The following RAB19 variants were observed in gnomAD, a reference collection of about 807,000 sequenced individuals.
RAB19 encodes the protein ras-related protein Rab-19.
RAB19 carries 21 observed loss-of-function variants against 17.3 expected under a neutral mutation model. The observed-to-expected ratio is 1.21, with a 90% CI of 0.86 to 1.74. The LOEUF (loss-of-function observed/expected upper bound fraction) is 1.74. Among genes scored for constraint, RAB19 ranks in the 40% most tolerant of loss-of-function variants. The pLI, the probability that RAB19 is intolerant of heterozygous loss-of-function variation, is 0.00. For synonymous variants in RAB19, 126 were observed against 110.4 expected (o/e 1.14, Z -0.88); for missense variants, 277 against 286.8 (o/e 0.97, Z 0.25).
intron 3 of RAB19, among the ~76,000 whole-genome samples, chr7:140,420,494 G>A (rs1257539192): frequency 6.6e-6 from 1 of 151,976 alleles, no homozygotes; most frequent in Non-Finnish European, 1.5e-5. Context: ...ATGTAGACCT[G>A]CCCCTGGGAA....
intron 2 of RAB19, among the ~76,000 whole-genome samples, chr7:140,409,598 T>G (rs1333302200): frequency 1.3e-5 from 2 of 150,958 alleles, no homozygotes; most frequent in Non-Finnish European, 3.0e-5. Flanking sequence ...TCAGGAGGCT[T>G]GAGGCATGAA....
At chr7:140,406,703 T>C (rs1799247111) in intron 1 of RAB19, among the ~76,000 whole-genome samples, 1 of 151,582 alleles carries the variant, frequency 6.6e-6, no homozygotes, top group East Asian at 1.9e-4. Context: ...TGGTAAAATA[T>C]GCCATAACAT....
intron 2 of RAB19, among the ~76,000 whole-genome samples, chr7:140,410,083 A>G (rs1425786800): frequency 6.6e-6 from 1 of 151,632 alleles, no homozygotes; most frequent in East Asian, 1.9e-4. Flanking sequence ...AGATGAAGCA[A>G]GTAACAAAAT....
At position 140,412,003 on chromosome 7, in the gene RAB19, T is replaced by TG; in HGVS notation, c.333dup (p.Ile112AspfsTer3). 6.2e-7 allele frequency: 1 copy of TG among 1,614,080 alleles called. No individual in the cohort carries two copies. Among genetic ancestry groups the TG allele is most frequent in the Non-Finnish European group, 8.5e-7 (1 of 1,180,038 alleles). ...GTCCACGTTCGAGTCCATCCCTCAC[T>TG]GGATTCATGAGATAGAGAAATATGG... On this transcript the variant is annotated frameshift_variant, in exon 3 of 4. Coordinates refer to ENST00000537763, the MANE Select transcript of RAB19 (RefSeq NM_001008749.3). LOFTEE classifies it high-confidence loss of function.
intron 1 of RAB19, among the ~76,000 whole-genome samples, chr7:140,407,355 A>G (rs1799262637): frequency 6.6e-6 from 1 of 151,612 alleles, no homozygotes. Flanking sequence ...CCTAGGATAT[A>G]TCACTGCTTT....
At position 140,425,965 on chromosome 7, in the gene RAB19, G is replaced by A. The variant is rs568276754; in HGVS notation, c.469G>A (p.Val157Ile). The change falls in exon 4 of 4, where the codon GTT becomes ATT. Residue 157 changes from valine to isoleucine, a missense_variant. Physicochemically the swap from Val to Ile is conservative, Grantham distance 29 (BLOSUM62 3). Coordinates refer to ENST00000537763, the MANE Select transcript of RAB19 (RefSeq NM_001008749.3). ...GGCTGAGAAGTACGGCCTCCTGGCCGTTTTGGAGACATCTGCCAAGGAGTC... is the reference window on the plus strand; with the variant it reads ...GGCTGAGAAGTACGGCCTCCTGGCCATTTTGGAGACATCTGCCAAGGAGTC... ...TLAEKYGLLA[V>I]LETSAKESKN... The A allele has an allele frequency of 6.3e-5, 101 of 1,614,174 alleles. No individual in the cohort carries two copies. Among genetic ancestry groups the A allele is most frequent in the South Asian group, 1.1e-4 (10 of 91,082 alleles).
chr7:140,404,784 A>T (rs1345217491), intron 1 of RAB19, among the ~76,000 whole-genome samples: 1 of 152,200 alleles, frequency 6.6e-6, no homozygotes, highest in East Asian at 1.9e-4. Context: ...GAGTCCGAAC[A>T]CACTCTCAGG....
chr7:140,424,182 C>A (rs776646651), intron 3 of RAB19, among the ~76,000 whole-genome samples: 1 of 131,532 alleles, frequency 7.6e-6, no homozygotes, highest in Non-Finnish European at 1.6e-5. Context: ...TTTGACATGC[C>A]GTTTCGCTGT....
intron 3 of RAB19, among the ~76,000 whole-genome samples, chr7:140,416,381 TC>T (rs1338695114): frequency 1.1e-4 from 16 of 152,268 alleles, no homozygotes; most frequent in African/African-American, 3.8e-4. Context: ...CTAGTTTAGC[TC>T]AGATTTTACT....
At chr7:140,416,376 T>G (rs1799458569) in intron 3 of RAB19, among the ~76,000 whole-genome samples, 1 of 152,154 alleles carries the variant, frequency 6.6e-6, no homozygotes, top group South Asian at 2.1e-4. Context: ...AATAGCTAGT[T>G]TAGCTCAGAT....
chr7:140,415,055 T>C (rs1799430536), intron 3 of RAB19, among the ~76,000 whole-genome samples: 1 of 151,636 alleles, frequency 6.6e-6, no homozygotes, highest in African/African-American at 2.4e-5. Context: ...AGACCTGACC[T>C]CTTTTTTTTT....
chr7:140,411,332 G>A (rs977560614), intron 2 of RAB19, among the ~76,000 whole-genome samples: 3 of 152,118 alleles, frequency 2.0e-5, no homozygotes, highest in African/African-American at 7.2e-5. Flanking sequence ...CCTGGGAGGC[G>A]GAGCTTGCAG....
At chr7:140,419,332 G>A (rs1001722774) in intron 3 of RAB19, among the ~76,000 whole-genome samples, 9 of 152,206 alleles carry the variant, frequency 5.9e-5, no homozygotes, top group East Asian at 3.9e-4. Context: ...GCCTCCCAAA[G>A]TGCTGAGATT....
At chr7:140,410,983 CCAGTATTATCACCTTT>C (rs1799349113) in intron 2 of RAB19, 1 of 1,367,666 alleles carries the variant, frequency 7.3e-7, no homozygotes, top group Non-Finnish European at 9.8e-7. Flanking sequence ...AACAGTTCGG[CCAGTATTATCACCTTT>C]GCCAGTATTC....
chr7:140,407,880 C>CGT, intron 2 of RAB19, 33 bp downstream of exon 2: 1 of 637,326 alleles, frequency 1.6e-6, no homozygotes, highest in Non-Finnish European at 2.3e-6. Flanking sequence ...CTGGTTCCAC[C>CGT]TTTTTTTTTT....
chr7:140,407,849 T>C lies in RAB19; in HGVS notation c.201+2T>C. 1 of 1,554,602 alleles carries C rather than the reference T, an allele frequency of 6.4e-7. No individual in the cohort carries two copies. ...GATATTGACGGCAAAAAAGTGAAGG[T>C]CAGAGGGCACCGGGACGGGACTGGT... is the stretch of plus-strand genomic sequence containing the variant. On this transcript the variant is annotated splice_donor_variant, in intron 2 of 3. Transcript: ENST00000537763. LOFTEE classifies it high-confidence loss of function.
chr7:140,411,791 T>C (rs368386745), intron 2 of RAB19, 83 bp from the exon 3 acceptor site: 11 of 1,608,600 alleles, frequency 6.8e-6, no homozygotes, highest in African/African-American at 1.3e-5. Context: ...CAGAAAACTG[T>C]GTTTTTAAGA....
At position 140,404,202 on chromosome 7, in the gene RAB19, T is replaced by TGA. The variant is rs1162289051; in HGVS notation, c.-33_-32dup. 1 of 151,532 alleles carries TGA rather than the reference T, an allele frequency of 6.6e-6. No individual in the cohort carries two copies. Among genetic ancestry groups the TGA allele is most frequent in the African/African-American group, 2.4e-5 (1 of 41,126 alleles). The allele number at this position is 151,532 out of a possible 1,614,324, so 9.4% of individuals were successfully genotyped here. A position where few individuals can be genotyped will look rare whatever the true frequency, so the allele number is the denominator to read the frequency against. ...AACATTACCTGCTGACCAGCAGAGG[T>TGA]GAGAGAGCGAGACAGGTAAGCGACA... On this transcript the variant is annotated 5_prime_UTR_variant, in exon 1 of 4. Coordinates refer to ENST00000537763, the MANE Select transcript of RAB19 (RefSeq NM_001008749.3).
chr7:140,417,929 T>A (rs1311198922), intron 3 of RAB19, among the ~76,000 whole-genome samples: 1 of 152,168 alleles, frequency 6.6e-6, no homozygotes, highest in African/African-American at 2.4e-5. Flanking sequence ...AATCTCCCCA[T>A]CTCAAGATCC....
Sources: allele counts gnomAD v4.1 joint callset (sites outside exome capture counted in the v4.1 genomes callset), GRCh38; gene constraint gnomAD v4.1.1; transcripts MANE v1.5; gene names NCBI Gene and HGNC (gene_info 2026-07-23, HGNC 2026-07-21).